Variants in MYO9B observed in about 807,000 individuals in gnomAD.
MYO9B encodes the protein unconventional myosin-IXb.
MYO9B carries 71 observed loss-of-function variants against 229.5 expected under a neutral mutation model. The observed-to-expected ratio is 0.31, with a 90% CI of 0.26 to 0.38. MYO9B has a LOEUF of 0.38. Among genes scored for constraint, MYO9B ranks in the 10% least tolerant of loss-of-function variants. The pLI, the probability that MYO9B is intolerant of heterozygous loss-of-function variation, is 1.00. For missense variants in MYO9B, 2,255 were observed against 2,920.5 expected, an observed-to-expected ratio of 0.77 and a Z score of 5.25; for synonymous variants, 1,185 against 1,235.8, an observed-to-expected ratio of 0.96 and a Z score of 0.86.
chr19:17,157,133 G>T, intron 7 of MYO9B, 95 bp downstream of exon 7: 1 of 1,447,574 alleles, frequency 6.9e-7, no homozygotes, highest in South Asian at 1.4e-5. Flanking sequence ...TCCTACGTCA[G>T]CTGAGGTTTC....
chr19:17,127,398 C>A (rs1330584009), intron 2 of MYO9B, among the ~76,000 whole-genome samples: 55 of 143,270 alleles, frequency 3.8e-4, no homozygotes, highest in Middle Eastern at 8.5e-3. Context: ...GCAATCTTGG[C>A]TCACTGCAAC....
intron 2 of MYO9B, among the ~76,000 whole-genome samples, chr19:17,105,603 A>T (rs958128398): frequency 6.6e-6 from 1 of 152,152 alleles, no homozygotes; most frequent in Non-Finnish European, 1.5e-5. Flanking sequence ...CTTCACACGT[A>T]GGATCCTGAG....
Position 17,184,947 on chromosome 19 carries a change from A to G in MYO9B, c.2456A>G (p.His819Arg). Reference sequence around the variant, plus strand: ...ACCACCAAGTCCCTACTGCACCTGCACAAGAAGAAAAAGCCACCAAGCATC... The same window carrying G: ...ACCACCAAGTCCCTACTGCACCTGCGCAAGAAGAAAAAGCCACCAAGCATC... Reference protein sequence around the residue: ...DRTTKSLLHLHKKKKPPSISA... With the variant: ...DRTTKSLLHLRKKKKPPSISA... Residue 819 changes from histidine to arginine, a missense_variant, in exon 17 of 40, where the codon CAC becomes CGC. This residue lies in a region of MYO9B where 68 missense variants were observed against 133.5 expected (regional missense o/e 0.51). Coordinates refer to ENST00000682292, the MANE Select transcript of MYO9B (RefSeq NM_004145.4). 1.2e-6 allele frequency: 2 copies of G among 1,613,976 alleles called. No individual in the cohort carries two copies. Among genetic ancestry groups the G allele is most frequent in the South Asian group, 1.1e-5 (1 of 91,086 alleles).
intron 16 of MYO9B, chr19:17,184,137 G>T: frequency 1.9e-6 from 1 of 513,346 alleles, no homozygotes; most frequent in Non-Finnish European, 3.4e-6. Flanking sequence ...AGGGGTGAGG[G>T]AGGAAGCTAG....
chr19:17,209,812 G>T, intron 36 of MYO9B, 103 bp downstream of exon 36: 1 of 1,460,860 alleles, frequency 6.8e-7, no homozygotes, highest in Non-Finnish European at 9.2e-7. Flanking sequence ...GCTGGTGAGT[G>T]GGGTCTTGGT....
chr19:17,132,343 G>T (rs1480076887), intron 2 of MYO9B, among the ~76,000 whole-genome samples: 1 of 149,422 alleles, frequency 6.7e-6, no homozygotes, highest in African/African-American at 2.5e-5. Context: ...GTGCCACCAC[G>T]CCCGGCTAAT....
intron 22 of MYO9B, among the ~76,000 whole-genome samples, chr19:17,196,544 G>T (rs957171695): frequency 1.3e-5 from 2 of 152,090 alleles, no homozygotes; most frequent in African/African-American, 4.8e-5. Flanking sequence ...TTAGCTGGGC[G>T]TGGTGGCGCA....
chr19:17,125,031 G>A (rs2058002252), intron 2 of MYO9B, among the ~76,000 whole-genome samples: 2 of 152,094 alleles, frequency 1.3e-5, no homozygotes, highest in Admixed American at 1.3e-4. Flanking sequence ...CAGCTGCGGT[G>A]GCTCACACCT....
At chr19:17,153,150 G>GGTTC (rs2072497553) in intron 4 of MYO9B, among the ~76,000 whole-genome samples, 1 of 145,928 alleles carries the variant, frequency 6.9e-6, no homozygotes. Context: ...TTGGTTGGTT[G>GGTTC]GTTGGGGTTT....
chr19:17,206,722 C>A lies in MYO9B; in HGVS notation c.5430C>A (p.Val1810=). 1.9e-6 allele frequency: 3 copies of A among 1,589,760 alleles called. No homozygotes were observed. In the South Asian group the frequency reaches 3.5e-5, roughly 18 times the overall value. The part of the protein sequence containing the change: ...KQEQLAAIYA[V]LEHLPEANHN... ...AGCAGCTGGCTGCCATCTATGCCGT[C>A]CTGGAGCACCTTCCAGAAGCCAACC... The change falls in exon 34 of 40, where the codon GTC becomes GTA. Residue 1810 remains valine, a synonymous_variant. Coordinates refer to ENST00000682292, the MANE Select transcript of MYO9B (RefSeq NM_004145.4).
chr19:17,173,010 G>T lies in MYO9B; in HGVS notation c.2140+47G>T, dbSNP rs1173410227. On this transcript the variant is annotated intron_variant, in intron 13 of 39. Coordinates refer to ENST00000682292, the MANE Select transcript of MYO9B (RefSeq NM_004145.4). Reference sequence around the variant, plus strand: ...CACAAAAGCGTCACTGTCGAGAGGGGGGCACATCCTGAGTTCATCTTAAAG... The same window carrying T: ...CACAAAAGCGTCACTGTCGAGAGGGTGGCACATCCTGAGTTCATCTTAAAG... 12 of 1,579,800 alleles carry T rather than the reference G, an allele frequency of 7.6e-6. No individual in the cohort carries two copies. In the East Asian group the frequency reaches 1.8e-4, roughly 24 times the overall value.
intron 1 of MYO9B, among the ~76,000 whole-genome samples, chr19:17,099,620 C>G (rs2057725166): frequency 6.6e-6 from 1 of 151,898 alleles, no homozygotes; most frequent in East Asian, 1.9e-4. Context: ...TAGAGACCAT[C>G]CTGGCTAACA....
rs1166606632 is a variant in MYO9B, at chr19:17,200,357, G to A, written c.4303G>A (p.Glu1435Lys). The A allele has an allele frequency of 2.5e-6, 4 of 1,610,376 alleles. No individual in the cohort carries two copies. The highest frequency in any genetic ancestry group is 3.4e-6 in the Non-Finnish European group (4 of 1,178,138). Residue 1435 changes from glutamate (E) to lysine (K), a missense_variant, in exon 25 of 40, where the codon GAG becomes AAG. Physicochemically the swap from Glu to Lys is moderately conservative, Grantham distance 56 (BLOSUM62 1). Coordinates refer to ENST00000682292, the MANE Select transcript of MYO9B (RefSeq NM_004145.4). ...KDKKYSLEGA[E>K]ELENAVSGHV... ...TAAAAAATACAGCCTGGAGGGCGCA[G>A]AGGAGCTGGAGAATGCAGTGTCCGG...
rs3067821 is a variant in MYO9B at position 17,092,722 on chromosome 19, CAAA to C, written c.-58-8919_-58-8917del. ...CCTGGGTGACAGAGCAAGGCTCCGTCAAAAAAAAAAAAAAAAAAAAAGCGCTTG... is the reference window on the plus strand; with the variant it reads ...CCTGGGTGACAGAGCAAGGCTCCGTCAAAAAAAAAAAAAAAAAAGCGCTTG... On this transcript the variant is annotated intron_variant, in intron 1 of 39. Coordinates refer to ENST00000682292, the MANE Select transcript of MYO9B (RefSeq NM_004145.4). Among the ~76,000 whole-genome samples the C allele has an allele frequency of 2.0e-3, 197 of 97,614 alleles. 1 individual carries two copies. The highest frequency in any genetic ancestry group is 3.5e-3 in the African/African-American group (92 of 26,122). The allele number at this position is 97,614 out of a possible 152,430, so 64.0% of individuals were successfully genotyped here.
intron 1 of MYO9B, among the ~76,000 whole-genome samples, chr19:17,090,824 C>T (rs1472943172): frequency 6.6e-6 from 1 of 152,190 alleles, no homozygotes; most frequent in Non-Finnish European, 1.5e-5. Context: ...GAGGTCGCCA[C>T]TTGGCTGAGC....
In MYO9B at chr19:17,210,857, C is replaced by T. The variant is rs1422224409; in HGVS notation, c.5930+9C>T. On this transcript the variant is annotated intron_variant, in intron 38 of 39. Coordinates refer to ENST00000682292, the MANE Select transcript of MYO9B (RefSeq NM_004145.4). ...TCCATCAAGGAGGAGAAGCAAGTGG[C>T]TCAGTCCCCTCCCTCAGTCCTTCAT... 2 of 1,592,424 alleles carry T rather than the reference C, an allele frequency of 1.3e-6. No individual in the cohort carries two copies. Among genetic ancestry groups the T allele is most frequent in the Non-Finnish European group, 1.7e-6 (2 of 1,170,250 alleles).
intron 1 of MYO9B, among the ~76,000 whole-genome samples, chr19:17,094,223 C>T (rs1032235781): frequency 5.3e-5 from 8 of 152,070 alleles, no homozygotes; most frequent in Non-Finnish European, 7.4e-5. Flanking sequence ...TTAGTAGAGA[C>T]GGGATTTCTC....
At chr19:17,143,408 C>T (rs889626794) in intron 2 of MYO9B, among the ~76,000 whole-genome samples, 9 of 152,096 alleles carry the variant, frequency 5.9e-5, no homozygotes, top group South Asian at 2.1e-4. Flanking sequence ...TCCTCAAAGC[C>T]GAGAAGGAGG....
intron 2 of MYO9B, among the ~76,000 whole-genome samples, chr19:17,125,300 C>G (rs1305056434): frequency 8.1e-6 from 1 of 123,158 alleles, no homozygotes; most frequent in Non-Finnish European, 1.7e-5. Flanking sequence ...AACCCCATCC[C>G]CCCCCCCCCA....
Sources: allele counts gnomAD v4.1 joint callset (sites outside exome capture counted in the v4.1 genomes callset), GRCh38; gene constraint gnomAD v4.1.1; regional missense constraint gnomAD v4.1.1; transcripts MANE v1.5; gene names NCBI Gene and HGNC (gene_info 2026-07-23, HGNC 2026-07-21).